Variants in TCEA2 observed in about 807,000 individuals in gnomAD.
The protein encoded by TCEA2 is transcription elongation factor A2, also known as transcription elongation factor A protein 2.
TCEA2 carries 21 observed loss-of-function variants against 40.8 expected under a neutral mutation model. That is an observed-to-expected ratio of 0.51 (90% CI 0.36 to 0.74). The LOEUF is 0.74. TCEA2 is among the 30% of genes least tolerant of loss of function. The pLI is 0.00. For synonymous variants in TCEA2, 165 were observed against 162.7 expected, an observed-to-expected ratio of 1.01 and a Z score of -0.11; for missense variants, 326 against 426.5, an observed-to-expected ratio of 0.76 and a Z score of 2.08.
At chr20:64,065,722 G>T in intron 1 of TCEA2, 1 of 152,662 alleles carries the variant, frequency 6.6e-6, no homozygotes, top group Non-Finnish European at 1.5e-5. Context: ...GATCTTGGGT[G>T]GGGAGACAAG....
chr20:64,070,762 G>A, intron 8 of TCEA2, 127 bp downstream of exon 8: 1 of 1,347,254 alleles, frequency 7.4e-7, no homozygotes, highest in East Asian at 2.5e-5. Context: ...TCCCTGAGTA[G>A]GCTAAGGCAT....
upstream of TCEA2, among the ~76,000 whole-genome samples, chr20:64,061,312 G>A (rs759687985): frequency 5.3e-5 from 8 of 150,776 alleles, no homozygotes; most frequent in Non-Finnish European, 8.9e-5. Flanking sequence ...GTCTTGCTCT[G>A]TTGCCCAGGC....
Position 64,069,766 on chromosome 20 carries a change from T to C in TCEA2, c.462T>C (p.His154=). The change falls in exon 6 of 10, where the codon CAT becomes CAC. Residue 154 remains histidine (H), a splice_region_variant and synonymous_variant. Transcript: ENST00000343484. ...EMLTAALQTD[H]DHVAIGADCE... The stretch of plus-strand genomic sequence containing the variant: ...GCTAGTCAGGGCTCCCTCTTGCAGA[T>C]GACCACGTGGCCATCGGTGCGGACT... The C allele has an allele frequency of 6.2e-7, 1 of 1,610,986 alleles. No homozygotes were observed. Among genetic ancestry groups the C allele is most frequent in the Non-Finnish European group, 8.5e-7 (1 of 1,177,520 alleles).
chr20:64,069,864 G>C (rs373762855), intron 6 of TCEA2, 43 bp downstream of exon 6: 176 of 1,605,554 alleles, frequency 1.1e-4, no homozygotes, highest in Non-Finnish European at 1.4e-4. Context: ...TTCTGGTGGA[G>C]TCAGGAGGCT....
chr20:64,066,725 G>A (rs1388373399), intron 2 of TCEA2, among the ~76,000 whole-genome samples, 187 bp downstream of exon 2: 1 of 152,238 alleles, frequency 6.6e-6, no homozygotes. Context: ...GGAGTCTGAG[G>A]ATAACCCATC....
upstream of TCEA2, among the ~76,000 whole-genome samples, chr20:64,056,651 A>AG (rs1259427547): frequency 6.6e-6 from 1 of 152,094 alleles, no homozygotes; most frequent in Non-Finnish European, 1.5e-5. Context: ...CCTCAGCCAG[A>AG]GGGGAAGCAT....
At chr20:64,064,211 G>A (rs1447774256) in intron 1 of TCEA2, 1 of 152,294 alleles carries the variant, frequency 6.6e-6, no homozygotes, top group Non-Finnish European at 1.5e-5. Context: ...TAAGAGCCAG[G>A]AGGTCGGGCA....
chr20:64,070,468 G>A (rs2059803193), intron 7 of TCEA2, 21 bp from the exon 8 acceptor site: 2 of 1,613,648 alleles, frequency 1.2e-6, no homozygotes, highest in Non-Finnish European at 1.7e-6. Flanking sequence ...GGTGGGCTAA[G>A]CCACTGGCCC....
Position 64,069,765 on chromosome 20 carries a change from A to G in TCEA2, c.461A>G (p.His154Arg). 6.2e-7 allele frequency: 1 copy of G among 1,610,886 alleles called. No homozygotes were observed. Among genetic ancestry groups the G allele is most frequent in the Non-Finnish European group, 8.5e-7 (1 of 1,177,468 alleles). The change falls in exon 6 of 10, where the codon CAT (histidine) becomes CGT (arginine). Residue 154 changes from histidine (H) to arginine (R), a missense_variant and splice_region_variant. By Grantham distance (29) the His-to-Arg change is conservative. Coordinates refer to ENST00000343484, the MANE Select transcript of TCEA2 (RefSeq NM_003195.6). ...EMLTAALQTD[H>R]DHVAIGADCE... ...AGCTAGTCAGGGCTCCCTCTTGCAG[A>G]TGACCACGTGGCCATCGGTGCGGAC...
chr20:64,061,704 CCCAA>C, upstream of TCEA2, among the ~76,000 whole-genome samples: 1 of 151,860 alleles, frequency 6.6e-6, no homozygotes, highest in Non-Finnish European at 1.5e-5. Context: ...AGCTACTGTG[CCCAA>C]CCAAGATGAG....
upstream of TCEA2, among the ~76,000 whole-genome samples, chr20:64,060,044 G>A (rs2059532154): frequency 3.9e-5 from 6 of 152,200 alleles, no homozygotes; most frequent in Admixed American, 3.9e-4. Flanking sequence ...ATGCACAACT[G>A]CACAGCCTCC....
intron 1 of TCEA2, 53 bp downstream of exon 1, chr20:64,063,437 G>T: frequency 2.0e-6 from 3 of 1,531,676 alleles, no homozygotes; most frequent in Non-Finnish European, 2.6e-6. Flanking sequence ...CCGAGACCCC[G>T]TCGAGCCCGC....
upstream of TCEA2, among the ~76,000 whole-genome samples, chr20:64,060,027 G>A (rs2059531739): frequency 6.6e-6 from 1 of 152,220 alleles, no homozygotes; most frequent in Non-Finnish European, 1.5e-5. Flanking sequence ...AACTGGGACT[G>A]CGGCGTATGC....
In TCEA2 at chr20:64,070,611, G is replaced by C; in HGVS notation, c.795G>C (p.Arg265Ser). The C allele has an allele frequency of 6.2e-7, 1 of 1,608,672 alleles. No individual in the cohort carries two copies. The highest frequency in any genetic ancestry group is 1.1e-5 in the South Asian group (1 of 90,494). ...ACCTGTTCACCTGCGGCAAGTGCAG[G>C]AAAAAGAACTGCACCTACACACAGG... is the stretch of plus-strand genomic sequence containing the variant. ...QTDLFTCGKC[R>S]KKNCTYTQVQ... Residue 265 changes from arginine to serine, a missense_variant, in exon 8 of 10, where the codon AGG becomes AGC. Coordinates refer to ENST00000343484, the MANE Select transcript of TCEA2 (RefSeq NM_003195.6).
chr20:64,072,118 T>C, intron 9 of TCEA2, 54 bp from the exon 10 acceptor site: 2 of 1,611,110 alleles, frequency 1.2e-6, no homozygotes, highest in South Asian at 1.1e-5. Context: ...GGCCTTCCAC[T>C]CTGGGGGATC....
At chr20:64,066,775 C>A in intron 2 of TCEA2, 140 bp from the exon 3 acceptor site, 1 of 889,366 alleles carries the variant, frequency 1.1e-6, no homozygotes, top group Non-Finnish European at 1.7e-6. Context: ...CCAAATGGGA[C>A]AGTCGCCATT....
intron 1 of TCEA2, chr20:64,064,311 G>A (rs1039149509): frequency 1.3e-5 from 2 of 152,380 alleles, no homozygotes; most frequent in Non-Finnish European, 2.9e-5. Flanking sequence ...GCCACAGCGA[G>A]ACTTTGGAGG....
Position 64,072,343 on chromosome 20 carries a change from T to G in TCEA2, c.*163T>G, listed in dbSNP as rs1424934162. 1.2e-6 allele frequency: 1 copy of G among 812,290 alleles called. No individual in the cohort carries two copies. The highest frequency in any genetic ancestry group is 1.7e-5 in the African/African-American group (1 of 57,956). The allele number at this position is 812,290 out of a possible 1,614,324, so 50.3% of individuals were successfully genotyped here. A position where few individuals can be genotyped will look rare whatever the true frequency, so the allele number is the denominator to read the frequency against. On this transcript the variant is annotated 3_prime_UTR_variant, in exon 10 of 10. Transcript: ENST00000343484. ...CCCCTCATTATTAAATGTTTCTTTTTGCCATCTTGTTCTCCTCAGCCGTTA... is the reference window on the plus strand; with the variant it reads ...CCCCTCATTATTAAATGTTTCTTTTGGCCATCTTGTTCTCCTCAGCCGTTA...
Position 64,066,998 on chromosome 20 carries a change from C to G in TCEA2, c.219C>G (p.Ile73Met). Residue 73 changes from isoleucine to methionine, a missense_variant, in exon 3 of 10, where the codon ATC becomes ATG. Ile to Met is a conservative substitution (Grantham distance 10). Transcript: ENST00000343484. Reference sequence around the variant, plus strand: ...TCATTGCACTGGCCAAGTCTCTCATCAAGTCCTGGAAGAAGCTCCTGGGTG... The same window carrying G: ...TCATTGCACTGGCCAAGTCTCTCATGAAGTCCTGGAAGAAGCTCCTGGGTG... ...EEVIALAKSL[I>M]KSWKKLLDAS... 1 of 1,613,348 alleles carries G rather than the reference C, an allele frequency of 6.2e-7. No homozygotes were observed. The highest frequency in any genetic ancestry group is 8.5e-7 in the Non-Finnish European group (1 of 1,179,700).
Sources: gnomAD v4.1 joint callset for allele counts (sites outside exome capture counted in the v4.1 genomes callset) on GRCh38, gnomAD v4.1.1 for gene constraint, MANE v1.5 for transcripts, NCBI Gene and HGNC (gene_info 2026-07-23, HGNC 2026-07-21) for gene names.